The following FNDC3B variants were observed in gnomAD, a reference collection of about 807,000 sequenced individuals.
FNDC3B encodes fibronectin type III domain containing 3B.
A neutral mutation model predicts 151.5 loss-of-function variants in FNDC3B; 12 were observed. That is an observed-to-expected ratio of 0.08 (90% CI 0.05 to 0.13). The LOEUF is 0.13. FNDC3B is among the 10% of genes least tolerant of loss of function. The probability of loss-of-function intolerance (pLI) is 1.00; values close to 1 mark genes in which losing one functional copy is unlikely to be tolerated. For synonymous variants in FNDC3B, 528 were observed against 549.0 expected, an observed-to-expected ratio of 0.96 and a Z score of 0.54; for missense variants, 1,214 against 1,505.3, an observed-to-expected ratio of 0.81 and a Z score of 3.20.
At position 172,119,617 on chromosome 3, in the gene FNDC3B, G is replaced by A. The variant is rs114437326; in HGVS notation, c.111+7027G>A. The stretch of plus-strand genomic sequence containing the variant: ...CCAGACTTTGTACATCAAGTAATCC[G>A]TTTCTGTTTTATTAAAGGAGAATAC... On this transcript the variant is annotated intron_variant, in intron 2 of 25. Coordinates refer to ENST00000415807, the MANE Select transcript of FNDC3B (RefSeq NM_022763.4). Among the ~76,000 whole-genome samples, 275 of 152,276 alleles carry A rather than the reference G, an allele frequency of 1.8e-3. 2 individuals carry two copies. Among genetic ancestry groups the A allele is most frequent in the African/African-American group, 5.9e-3 (247 of 41,546 alleles).
chr3:172,297,713 A>G (rs534778188), intron 8 of FNDC3B, among the ~76,000 whole-genome samples: 1,849 of 152,116 alleles, frequency 0.012, 51 homozygotes, highest in African/African-American at 0.043. Context: ...TGACCTCGTG[A>G]TCCGCCCTCC....
intron 25 of FNDC3B, among the ~76,000 whole-genome samples, chr3:172,395,237 A>AT (rs921310311): frequency 6.6e-6 from 1 of 151,796 alleles, no homozygotes; most frequent in African/African-American, 2.4e-5. Flanking sequence ...CATTTCTGCT[A>AT]TTTTTTTCTT....
At chr3:172,314,747 C>T (rs559355076) in intron 11 of FNDC3B, among the ~76,000 whole-genome samples, 12 of 152,296 alleles carry the variant, frequency 7.9e-5, no homozygotes, top group African/African-American at 2.2e-4. Flanking sequence ...AATGCTGTGC[C>T]GAGTTGACCT....
At chr3:172,169,231 C>T (rs1411250917) in intron 3 of FNDC3B, among the ~76,000 whole-genome samples, 9 of 152,238 alleles carry the variant, frequency 5.9e-5, no homozygotes, top group African/African-American at 2.2e-4. Flanking sequence ...AATGCCATGT[C>T]GACCTCAGTG....
At chr3:172,381,212 C>G (rs1289726112) in intron 25 of FNDC3B, 119 bp downstream of exon 25, 2 of 1,077,342 alleles carry the variant, frequency 1.9e-6, no homozygotes, top group African/African-American at 3.1e-5. Flanking sequence ...TAGAAACTGC[C>G]TAACTTGTAC....
intron 1 of FNDC3B, among the ~76,000 whole-genome samples, chr3:172,105,577 C>T (rs1406193848): frequency 6.6e-6 from 1 of 150,408 alleles, no homozygotes; most frequent in South Asian, 2.1e-4. Flanking sequence ...TTCCCCACCC[C>T]CCTGAATCAG....
intron 1 of FNDC3B, among the ~76,000 whole-genome samples, chr3:172,105,388 A>G (rs994126848): frequency 2.6e-5 from 4 of 152,192 alleles, no homozygotes; most frequent in Non-Finnish European, 4.4e-5. Context: ...GAAGCCATTT[A>G]GAAACTAGTC....
At chr3:172,108,185 A>AAACTT (rs1559969016) in intron 1 of FNDC3B, among the ~76,000 whole-genome samples, 3 of 151,828 alleles carry the variant, frequency 2.0e-5, no homozygotes, top group Admixed American at 6.6e-5. Context: ...AGAAAAAAAA[A>AAACTT]AAGTAGAGGT....
rs369881712 is a variant in FNDC3B, at chr3:172,060,153, C to A, written c.-29+20382C>A. ...GAGAGAACCCTCATAGTCAGTGGGG[C>A]CCATTGACAATTCTCAAATACTATC... On this transcript the variant is annotated intron_variant, in intron 1 of 25. Coordinates refer to ENST00000415807, the MANE Select transcript of FNDC3B (RefSeq NM_022763.4). 2.0e-5 allele frequency among the ~76,000 whole-genome samples: 3 copies of A among 152,148 alleles called. No individual in the cohort carries two copies. The East Asian group carries it at 5.8e-4, about 29-fold the overall frequency.
At chr3:172,369,891 G>A (rs1357269019) in intron 23 of FNDC3B, among the ~76,000 whole-genome samples, 1 of 151,576 alleles carries the variant, frequency 6.6e-6, no homozygotes, top group African/African-American at 2.4e-5. Context: ...AGTAACATAC[G>A]AAATTCTCTC....
chr3:172,111,647 G>A (rs1208647648), intron 1 of FNDC3B, among the ~76,000 whole-genome samples: 1 of 152,144 alleles, frequency 6.6e-6, no homozygotes, highest in Admixed American at 6.5e-5. Flanking sequence ...GGAGAGGTAT[G>A]CTTGACGTTT....
At chr3:172,375,793 C>T (rs557616736) in intron 23 of FNDC3B, among the ~76,000 whole-genome samples, 16 of 152,132 alleles carry the variant, frequency 1.1e-4, no homozygotes, top group African/African-American at 3.9e-4. Flanking sequence ...CCACCCCTTT[C>T]CCTCCTCTTC....
At chr3:172,210,585 A>G (rs1230579265) in intron 3 of FNDC3B, among the ~76,000 whole-genome samples, 2 of 152,088 alleles carry the variant, frequency 1.3e-5, no homozygotes, top group Non-Finnish European at 2.9e-5. Flanking sequence ...CAAACTCCTG[A>G]CATCAAGTAA....
At chr3:172,157,141 C>A (rs1344851465) in intron 3 of FNDC3B, among the ~76,000 whole-genome samples, 2 of 152,082 alleles carry the variant, frequency 1.3e-5, no homozygotes, top group African/African-American at 4.8e-5. Context: ...TTCTTTTTCT[C>A]TTCTTAAGTT....
intron 1 of FNDC3B, among the ~76,000 whole-genome samples, chr3:172,043,696 G>A (rs1000585303): frequency 2.0e-5 from 3 of 152,154 alleles, no homozygotes; most frequent in African/African-American, 7.2e-5. Context: ...CATATGTAGA[G>A]TGGATAAAAT....
intron 24 of FNDC3B, among the ~76,000 whole-genome samples, chr3:172,379,402 G>T (rs1735318431): frequency 6.6e-6 from 1 of 152,228 alleles, no homozygotes; most frequent in Admixed American, 6.5e-5. Context: ...ACATGAAGGA[G>T]GTGTGTCAGC....
At chr3:172,190,103 C>T (rs963575389) in intron 3 of FNDC3B, among the ~76,000 whole-genome samples, 2 of 152,204 alleles carry the variant, frequency 1.3e-5, no homozygotes. Flanking sequence ...ATCCATTTCT[C>T]TGTCTTGCTG....
At chr3:172,294,097 A>T (rs1301156965) in intron 7 of FNDC3B, among the ~76,000 whole-genome samples, 1 of 152,222 alleles carries the variant, frequency 6.6e-6, no homozygotes, top group African/African-American at 2.4e-5. Context: ...TTTTGTCCTT[A>T]GATTTATTTT....
At chr3:172,203,328 A>G (rs1168001872) in intron 3 of FNDC3B, among the ~76,000 whole-genome samples, 4 of 152,368 alleles carry the variant, frequency 2.6e-5, no homozygotes, top group African/African-American at 7.2e-5. Context: ...TCAGGTATGT[A>G]GGAGCAAGTG....
Sources: gnomAD v4.1 joint callset for allele counts (sites outside exome capture counted in the v4.1 genomes callset) on GRCh38, gnomAD v4.1.1 for gene constraint, MANE v1.5 for transcripts, NCBI Gene and HGNC (gene_info 2026-07-23, HGNC 2026-07-21) for gene names.